SMG6: variants seen among roughly 807,000 people sequenced by gnomAD.
SMG6 encodes SMG6 nonsense mediated mRNA decay factor.
SMG6 carries 66 observed loss-of-function variants against 142.2 expected under a neutral mutation model. That is an observed-to-expected ratio of 0.46 (90% CI 0.38 to 0.57). The LOEUF is 0.57. Ranked by LOEUF, SMG6 falls within the 20% of genes least tolerant of loss-of-function variation. The pLI, the probability that SMG6 is intolerant of heterozygous loss-of-function variation, is 0.00. For synonymous variants in SMG6, 779 were observed against 702.4 expected, an observed-to-expected ratio of 1.11 and a Z score of -1.72; for missense variants, 1,793 against 1,832.0, an observed-to-expected ratio of 0.98 and a Z score of 0.39.
intron 13 of SMG6, among the ~76,000 whole-genome samples, chr17:2,097,364 G>A (rs2068883991): frequency 6.6e-6 from 1 of 151,914 alleles, no homozygotes; most frequent in Non-Finnish European, 1.5e-5. Context: ...TTGAACTCTT[G>A]GCCTCAAGCA....
At chr17:2,208,468 G>A (rs1197285911) in intron 10 of SMG6, among the ~76,000 whole-genome samples, 3 of 152,192 alleles carry the variant, frequency 2.0e-5, no homozygotes, top group African/African-American at 7.2e-5. Context: ...CAACAGGGAG[G>A]GGTCCACAGC....
At chr17:2,160,508 C>T (rs1217076032) in intron 13 of SMG6, among the ~76,000 whole-genome samples, 1 of 152,152 alleles carries the variant, frequency 6.6e-6, no homozygotes, top group African/African-American at 2.4e-5. Context: ...CATGAGCCAC[C>T]GCGCCTGGCC....
At chr17:2,211,432 A>G (rs942674961) in intron 10 of SMG6, among the ~76,000 whole-genome samples, 2 of 152,168 alleles carry the variant, frequency 1.3e-5, no homozygotes, top group Non-Finnish European at 2.9e-5. Context: ...TGGGAGGCCA[A>G]GGCAGGCGGA....
chr17:2,303,354 G>A (rs571076014), intron 1 of SMG6: 112 of 1,199,978 alleles, frequency 9.3e-5, no homozygotes, highest in Admixed American at 5.4e-4. Flanking sequence ...GTCTGAGAGG[G>A]CTGGGGCAAA....
At chr17:2,219,881 C>T (rs2073126346) in intron 10 of SMG6, among the ~76,000 whole-genome samples, 1 of 151,404 alleles carries the variant, frequency 6.6e-6, no homozygotes, top group South Asian at 2.1e-4. Flanking sequence ...TATTAAGATG[C>T]CAAAACCCCT....
In SMG6 at chr17:2,086,795, CCT is replaced by C. The variant is rs202067611; in HGVS notation, c.3358-896_3358-895del. On this transcript the variant is annotated intron_variant, in intron 13 of 18. Transcript: ENST00000263073. ...GCTCACACTCTCCTCCATGCTTGCC[CCT>C]GTGTGCCCTTCTCTTCATCTCTAGC... Among the ~76,000 whole-genome samples the C allele has an allele frequency of 4.3e-3, 662 of 152,306 alleles. 6 individuals are homozygous for C. Among genetic ancestry groups the C allele is most frequent in the African/African-American group, 0.013 (554 of 41,574 alleles).
chr17:2,302,938 C>A, intron 1 of SMG6: 1 of 982,022 alleles, frequency 1.0e-6, no homozygotes, highest in Non-Finnish European at 1.2e-6. Flanking sequence ...CTAGAGAAGG[C>A]ACCTATCACA....
chr17:2,226,405 C>T (rs1389445388), intron 10 of SMG6, among the ~76,000 whole-genome samples: 1 of 151,208 alleles, frequency 6.6e-6, no homozygotes, highest in Non-Finnish European at 1.5e-5. Context: ...ACAGTGAAAC[C>T]CCGTCTTACT....
At chr17:2,161,717 C>G (rs974729709) in intron 13 of SMG6, among the ~76,000 whole-genome samples, 1 of 142,332 alleles carries the variant, frequency 7.0e-6, no homozygotes, top group Non-Finnish European at 1.5e-5. Flanking sequence ...AAGGATTTGT[C>G]TAAAAAAAAA....
chr17:2,303,216 C>T (rs2075325069), intron 1 of SMG6: 3 of 985,334 alleles, frequency 3.0e-6, no homozygotes, highest in South Asian at 4.7e-5. Flanking sequence ...TCCCCAATTC[C>T]TTCTCTCCGA....
chr17:2,269,708 C>T (rs576959195), intron 8 of SMG6, among the ~76,000 whole-genome samples: 2 of 152,188 alleles, frequency 1.3e-5, no homozygotes, highest in East Asian at 3.9e-4. Context: ...AAGAAAATCA[C>T]GAGAGATTTG....
At chr17:2,187,796 G>T (rs1226417268) in intron 11 of SMG6, among the ~76,000 whole-genome samples, 1 of 152,014 alleles carries the variant, frequency 6.6e-6, no homozygotes, top group Non-Finnish European at 1.5e-5. Flanking sequence ...AGCTGGTGCG[G>T]CATGGGGTGA....
intron 10 of SMG6, among the ~76,000 whole-genome samples, chr17:2,227,901 G>A (rs2073363437): frequency 6.6e-6 from 1 of 152,128 alleles, no homozygotes; most frequent in Admixed American, 6.5e-5. Context: ...TGACTAAAAT[G>A]TAAGATTACT....
intron 10 of SMG6, among the ~76,000 whole-genome samples, chr17:2,218,708 C>T (rs1007034139): frequency 6.6e-6 from 1 of 152,108 alleles, no homozygotes; most frequent in Non-Finnish European, 1.5e-5. Flanking sequence ...AAAGATTTAA[C>T]CCTGACAATG....
At chr17:2,067,205 C>T (rs978414168) in intron 16 of SMG6, among the ~76,000 whole-genome samples, 4 of 152,154 alleles carry the variant, frequency 2.6e-5, no homozygotes, top group Admixed American at 2.6e-4. Context: ...GCGTTTGCTC[C>T]CTCCCCACCG....
At chr17:2,066,542 G>A (rs1482891592) in intron 16 of SMG6, among the ~76,000 whole-genome samples, 4 of 151,902 alleles carry the variant, frequency 2.6e-5, no homozygotes, top group Non-Finnish European at 4.4e-5. Flanking sequence ...TCTCCTTAGC[G>A]CAGTGATTCA....
chr17:2,129,792 T>C, intron 13 of SMG6, among the ~76,000 whole-genome samples: 1 of 7,470 alleles, frequency 1.3e-4, no homozygotes, highest in Non-Finnish European at 2.9e-4. Flanking sequence ...AGGCTCTGTC[T>C]CAAAAAAAAA....
chr17:2,095,475 C>A (rs10521116), intron 13 of SMG6, among the ~76,000 whole-genome samples: 5,256 of 152,308 alleles, frequency 0.035, 128 homozygotes, highest in Middle Eastern at 0.078. Flanking sequence ...TGCAGTTCAG[C>A]AACATGTAAG....
chr17:2,079,287 A>G (rs549098422), intron 15 of SMG6, among the ~76,000 whole-genome samples: 1 of 152,328 alleles, frequency 6.6e-6, no homozygotes, highest in East Asian at 1.9e-4. Context: ...TTGACGCAAC[A>G]GTTTCCATAA....
Sources: gnomAD v4.1 joint callset for allele counts (sites outside exome capture counted in the v4.1 genomes callset) on GRCh38, gnomAD v4.1.1 for gene constraint, MANE v1.5 for transcripts, NCBI Gene and HGNC (gene_info 2026-07-23, HGNC 2026-07-21) for gene names.